Variants in ADAMTS8 observed in about 807,000 individuals in gnomAD.
The protein encoded by ADAMTS8 is ADAM metallopeptidase with thrombospondin type 1 motif 8.
A neutral mutation model predicts 64.4 loss-of-function variants in ADAMTS8; 50 were observed. The observed-to-expected ratio is 0.78, with a 90% confidence interval of 0.62 to 0.98. The LOEUF is 0.98. Among genes scored for constraint, ADAMTS8 ranks in the 50% least tolerant of loss-of-function variants. The pLI is 0.00. For synonymous variants in ADAMTS8, 556 were observed against 533.6 expected (o/e 1.04, Z -0.58); for missense variants, 1,192 against 1,208.2 (o/e 0.99, Z 0.20).
At chr11:130,408,356 C>A in intron 8 of ADAMTS8, 108 bp downstream of exon 8, 1 of 1,339,168 alleles carries the variant, frequency 7.5e-7, no homozygotes, top group Non-Finnish European at 1.0e-6. Context: ...ACTTGCCCAA[C>A]CCTCACAGCT....
chr11:130,417,981 T>C (rs1196330110), intron 2 of ADAMTS8, among the ~76,000 whole-genome samples: 7 of 123,810 alleles, frequency 5.7e-5, no homozygotes, highest in African/African-American at 2.2e-4. Context: ...CTGGGCAATA[T>C]AGTGAAACCC....
At chr11:130,425,068 G>A (rs1862146472) in intron 1 of ADAMTS8, among the ~76,000 whole-genome samples, 1 of 152,180 alleles carries the variant, frequency 6.6e-6, no homozygotes, top group Non-Finnish European at 1.5e-5. Flanking sequence ...CCAATGTGCA[G>A]CTGGGAAAGG....
intron 6 of ADAMTS8, among the ~76,000 whole-genome samples, chr11:130,410,074 C>A (rs995906670): frequency 1.3e-5 from 2 of 152,198 alleles, no homozygotes; most frequent in Admixed American, 6.5e-5. Flanking sequence ...CTTCTCACAC[C>A]TTTCCACCAC....
At chr11:130,419,956 G>A (rs73569465) in intron 1 of ADAMTS8, among the ~76,000 whole-genome samples, 5,576 of 152,266 alleles carry the variant, frequency 0.037, 349 homozygotes, top group African/African-American at 0.12. Flanking sequence ...CTCTGCCACA[G>A]TACCTCATTC....
Position 130,408,517 on chromosome 11 carries a change from A to C in ADAMTS8, c.2046T>G (p.Cys682Trp). 1 of 1,613,926 alleles carries C rather than the reference A, an allele frequency of 6.2e-7. No individual in the cohort carries two copies. The highest frequency in any genetic ancestry group is 8.5e-7 in the Non-Finnish European group (1 of 1,179,980). The stretch of plus-strand genomic sequence containing the variant: ...TCCTGCAGGAGTTGCCTTTGCCCCC[A>C]CACACCCCGCATTTGTCCAGCTTCC... ...SPRKLDKCGVCGGKGNSCRKV... is the reference protein window; with the variant it reads ...SPRKLDKCGVWGGKGNSCRKV... Residue 682 changes from cysteine to tryptophan, a missense_variant, in exon 8 of 9, where the codon TGT becomes TGG. By Grantham distance (215) the Cys-to-Trp change is radical. Transcript: ENST00000257359.
chr11:130,420,860 A>T (rs1033346934), intron 1 of ADAMTS8, among the ~76,000 whole-genome samples: 6 of 152,120 alleles, frequency 3.9e-5, no homozygotes, highest in African/African-American at 1.4e-4. Context: ...ATCATTATGC[A>T]ACCGGGGGTG....
At chr11:130,419,372 CCTCTT>C in intron 1 of ADAMTS8, 80 bp from the exon 2 acceptor site, 1 of 1,577,744 alleles carries the variant, frequency 6.3e-7, no homozygotes, top group Non-Finnish European at 8.6e-7. Flanking sequence ...GCTGCCATCA[CCTCTT>C]GTTATGGGGC....
At chr11:130,425,385 TC>T (rs1386431525) in intron 1 of ADAMTS8, among the ~76,000 whole-genome samples, 1 of 152,112 alleles carries the variant, frequency 6.6e-6, no homozygotes, top group Non-Finnish European at 1.5e-5. Flanking sequence ...ATCTCCAGCG[TC>T]CAGGTGATCA....
At position 130,416,985 on chromosome 11, in the gene ADAMTS8, C is replaced by T. The variant is rs80075531; in HGVS notation, c.1051G>A (p.Glu351Lys). 2.8e-4 allele frequency: 445 copies of T among 1,614,118 alleles called. 1 individual carries two copies. The African/African-American group carries it at 5.2e-3, about 19-fold the overall frequency. Reference protein sequence around the residue: ...CDPNKSCSVIEDEGLQAAHTL... With the variant: ...CDPNKSCSVIKDEGLQAAHTL... The stretch of plus-strand genomic sequence containing the variant: ...TGGGCCGCCTGGAGCCCCTCATCCT[C>T]GATCACGGAGCAGCTTTTGTTGGGG... Residue 351 changes from glutamate to lysine, a missense_variant, in exon 3 of 9, where the codon GAG (glutamate) becomes AAG (lysine). Physicochemically the swap from Glu to Lys is moderately conservative, Grantham distance 56. Around this residue, in one of 5 missense-constraint regions of ADAMTS8, gnomAD observed 741 missense variants for 710.6 expected, o/e 1.04. Coordinates refer to ENST00000257359, the MANE Select transcript of ADAMTS8 (RefSeq NM_007037.6). This position sits in a 1 kb window ranked among gnomAD's most constrained non-coding sequence, Gnocchi z 4.8.
rs775471268 is a variant in ADAMTS8 at position 130,419,119 on chromosome 11, C to A, written c.894G>T (p.Arg298=). 4 of 1,614,074 alleles carry A rather than the reference C, an allele frequency of 2.5e-6. No homozygotes were observed. In the African/African-American group the frequency reaches 5.3e-5, roughly 22 times the overall value. ...GGCGGTCGCTGGGCTGGTTGAAACG[C>A]CGCTGCCAGTTGCAGAAGTTACGCA... ...LTLRNFCNWQ[R]RFNQPSDRHP... The change falls in exon 2 of 9, where the codon CGG becomes CGT. Residue 298 remains arginine (R), a synonymous_variant. Coordinates refer to ENST00000257359, the MANE Select transcript of ADAMTS8 (RefSeq NM_007037.6).
Position 130,428,273 on chromosome 11 carries a change from G to A in ADAMTS8, c.14C>T (p.Pro5Leu). The change falls in exon 1 of 9, where the codon CCC becomes CTC. Residue 5 changes from proline (P) to leucine (L), a missense_variant. Pro to Leu is a moderately conservative substitution (Grantham distance 98). Coordinates refer to ENST00000257359, the MANE Select transcript of ADAMTS8 (RefSeq NM_007037.6). ...GAGCGGAGGCCACCGGGGGGCGGCG[G>A]GGGCGGGGAGCATGGGGGCTGCGGC... MLPA[P>L]AAPRWPPLLL... is the part of the protein sequence containing the mutation. The A allele has an allele frequency of 8.3e-7, 1 of 1,210,450 alleles. No individual in the cohort carries two copies. The highest frequency in any genetic ancestry group is 1.0e-6 in the Non-Finnish European group (1 of 977,704). The allele number at this position is 1,210,450 out of a possible 1,614,324, so 75.0% of individuals were successfully genotyped here. A position where few individuals can be genotyped will look rare whatever the true frequency, so the allele number is the denominator to read the frequency against.
intron 1 of ADAMTS8, among the ~76,000 whole-genome samples, chr11:130,421,206 G>A (rs902137992): frequency 6.6e-6 from 1 of 152,348 alleles, no homozygotes; most frequent in Admixed American, 6.5e-5. Context: ...ACGTTGAGCA[G>A]ATCGGAGGGA....
Position 130,411,570 on chromosome 11 carries a change from C to G in ADAMTS8, c.1597G>C (p.Gly533Arg). 6.2e-7 allele frequency: 1 copy of G among 1,614,102 alleles called. No homozygotes were observed. The highest frequency in any genetic ancestry group is 1.1e-5 in the South Asian group (1 of 91,068). The change falls in exon 6 of 9, where the codon GGA (glycine) becomes CGA (arginine). Residue 533 changes from glycine (G) to arginine (R), a missense_variant. By Grantham distance (125) the Gly-to-Arg change is moderately radical. Coordinates refer to ENST00000257359, the MANE Select transcript of ADAMTS8 (RefSeq NM_007037.6). The surrounding 1 kb of genome is among the most constrained non-coding windows in gnomAD (Gnocchi z 4.2). The part of the protein sequence containing the change: ...PVADGGWAPW[G>R]PWGECSRTCG... ...GTCCGAGAACATTCTCCCCAGGGTC[C>G]CCACGGTGCCCAGCCTCCATCTGCC...
At position 130,416,811 on chromosome 11, in the gene ADAMTS8, C is replaced by T; in HGVS notation, c.1096+129G>A. The T allele has an allele frequency of 7.0e-7, 1 of 1,429,526 alleles. No individual in the cohort carries two copies. The highest frequency in any genetic ancestry group is 9.6e-7 in the Non-Finnish European group (1 of 1,037,554). The allele number at this position is 1,429,526 out of a possible 1,614,324, so 88.6% of individuals were successfully genotyped here. A position where few individuals can be genotyped will look rare whatever the true frequency, so the allele number is the denominator to read the frequency against. Reference sequence around the variant, plus strand: ...CGCGGTATCTGTTTGTATACAGTCACCCTGTCAAAATTAGGAGGAGCTATT... The same window carrying T: ...CGCGGTATCTGTTTGTATACAGTCATCCTGTCAAAATTAGGAGGAGCTATT... On this transcript the variant is annotated intron_variant, in intron 3 of 8. Transcript: ENST00000257359. The surrounding 1 kb of genome is among the most constrained non-coding windows in gnomAD (Gnocchi z 4.8).
At chr11:130,427,513 G>C in intron 1 of ADAMTS8, 54 bp downstream of exon 1, 1 of 1,510,320 alleles carries the variant, frequency 6.6e-7, no homozygotes, top group South Asian at 1.2e-5. Flanking sequence ...GAGACGCTGG[G>C]AGGCGTCTGG....
chr11:130,414,886 C>T, intron 4 of ADAMTS8, 54 bp from the exon 5 acceptor site: 7 of 1,493,584 alleles, frequency 4.7e-6, no homozygotes, highest in Middle Eastern at 2.5e-4. Context: ...GCCGCCCTCT[C>T]AGCTCTTCAT....
chr11:130,405,528 G>T lies in ADAMTS8; in HGVS notation c.*30C>A. 6.4e-7 allele frequency: 1 copy of T among 1,561,158 alleles called. No individual in the cohort carries two copies. On this transcript the variant is annotated 3_prime_UTR_variant, in exon 9 of 9. Coordinates refer to ENST00000257359, the MANE Select transcript of ADAMTS8 (RefSeq NM_007037.6). Reference sequence around the variant, plus strand: ...CTGCACCTCAGTACCGCATGTCCAGGAGCACAAGACTGGCCCCTGCCCCCC... The same window carrying T: ...CTGCACCTCAGTACCGCATGTCCAGTAGCACAAGACTGGCCCCTGCCCCCC...
At position 130,406,112 on chromosome 11, in the gene ADAMTS8, T is replaced by C. The variant is rs1370709257; in HGVS notation, c.2116A>G (p.Ile706Val). ...LTPTNYGYND[I>V]VTIPAGATNI... Reference sequence around the variant, plus strand: ...GTGGCACCAGCTGGGATGGTGACAATGTCATTGTAGCCATAACTGTGATAG... The same window carrying C: ...GTGGCACCAGCTGGGATGGTGACAACGTCATTGTAGCCATAACTGTGATAG... The change falls in exon 9 of 9, where the codon ATT (isoleucine) becomes GTT (valine). Residue 706 changes from isoleucine (I) to valine (V), a missense_variant. By Grantham distance (29) the Ile-to-Val change is conservative. Around this residue, in one of 5 missense-constraint regions of ADAMTS8, gnomAD observed 290 missense variants for 297.8 expected, o/e 0.97. Transcript: ENST00000257359. The C allele has an allele frequency of 6.2e-7, 1 of 1,609,160 alleles. No individual in the cohort carries two copies. The highest frequency in any genetic ancestry group is 1.7e-5 in the Admixed American group (1 of 60,012).
Position 130,416,649 on chromosome 11 carries a change from G to A in ADAMTS8, c.1096+291C>T, listed in dbSNP as rs1204678289. ...CGGCTTAGCTTGTGCACAGCTCCAC[G>A]CCTCCACCCCAGCACGTGTCTGGTG... On this transcript the variant is annotated intron_variant, in intron 3 of 8. Coordinates refer to ENST00000257359, the MANE Select transcript of ADAMTS8 (RefSeq NM_007037.6). The surrounding 1 kb of genome is among the most constrained non-coding windows in gnomAD (Gnocchi z 4.8). Among the ~76,000 whole-genome samples, 1 of 152,138 alleles carries A rather than the reference G, an allele frequency of 6.6e-6. No homozygotes were observed. Among genetic ancestry groups the A allele is most frequent in the African/African-American group, 2.4e-5 (1 of 41,432 alleles).
Sources: allele counts gnomAD v4.1 joint callset (sites outside exome capture counted in the v4.1 genomes callset), GRCh38; gene constraint gnomAD v4.1.1; regional missense constraint gnomAD v4.1.1; non-coding constraint Gnocchi (gnomAD v3.1); transcripts MANE v1.5; gene names NCBI Gene and HGNC (gene_info 2026-07-23, HGNC 2026-07-21).